Variants in MTFR1 observed in about 807,000 individuals in gnomAD.
The protein encoded by MTFR1 is mitochondrial fission regulator 1.
MTFR1 carries 28 observed loss-of-function variants against 38.8 expected under a neutral mutation model. That is an observed-to-expected ratio of 0.72 (90% CI 0.53 to 0.99). The LOEUF (loss-of-function observed/expected upper bound fraction) is 0.99. Ranked by LOEUF, MTFR1 falls within the 50% of genes least tolerant of loss-of-function variation. MTFR1 has a pLI of 0.00. For synonymous variants in MTFR1, 145 were observed against 137.0 expected, an observed-to-expected ratio of 1.06 and a Z score of -0.41; for missense variants, 358 against 395.5, an observed-to-expected ratio of 0.91 and a Z score of 0.81.
downstream of MTFR1, among the ~76,000 whole-genome samples, chr8:65,712,326 TC>T (rs1323947508): frequency 6.6e-6 from 1 of 152,128 alleles, no homozygotes; most frequent in Non-Finnish European, 1.5e-5. Flanking sequence ...ACCCCTGCCT[TC>T]CCTTCTGCAA....
At chr8:65,729,880 G>T (rs1806777783) in intron 3 of MTFR1, among the ~76,000 whole-genome samples, 2 of 152,000 alleles carry the variant, frequency 1.3e-5, no homozygotes, top group African/African-American at 4.8e-5. Context: ...AGTGAAGACA[G>T]ATTCTTGACA....
chr8:65,738,750 C>G (rs181295379), intron 3 of MTFR1, among the ~76,000 whole-genome samples: 21 of 152,232 alleles, frequency 1.4e-4, no homozygotes, highest in Admixed American at 1.3e-3. Flanking sequence ...ATCTTTAAAG[C>G]CTACCGTCAA....
chr8:65,706,998 T>C lies in MTFR1; in HGVS notation c.518-12T>C, dbSNP rs1383486164. ...CCAGTGGGATTAAGTTTGTTTTCCT[T>C]TGTTTCTGTAGGTGACTTAGATTCT... On this transcript the variant is annotated splice_polypyrimidine_tract_variant and intron_variant, in intron 5 of 7. Coordinates refer to ENST00000262146, the MANE Select transcript of MTFR1 (RefSeq NM_014637.4). 3 of 1,571,146 alleles carry C rather than the reference T, an allele frequency of 1.9e-6. No homozygotes were observed. In the African/African-American group the frequency reaches 4.1e-5, roughly 22 times the overall value.
chr8:65,759,605 T>C (rs1808399279), intron 3 of MTFR1, among the ~76,000 whole-genome samples: 1 of 152,232 alleles, frequency 6.6e-6, no homozygotes, highest in Non-Finnish European at 1.5e-5. Flanking sequence ...GCTGAAATAG[T>C]TGATTCTGGT....
intron 1 of MTFR1, among the ~76,000 whole-genome samples, 159 bp downstream of exon 1, chr8:65,644,943 G>A (rs1808908581): frequency 6.6e-6 from 1 of 152,234 alleles, no homozygotes. Flanking sequence ...GGCCGGTTGA[G>A]TGTTTGCCCC....
intron 3 of MTFR1, chr8:65,747,776 G>A (rs1807749870): frequency 1.2e-6 from 2 of 1,608,914 alleles, no homozygotes; most frequent in Non-Finnish European, 1.7e-6. Context: ...ATTCCTTGCA[G>A]AGACAGACAC....
At chr8:65,652,473 A>G (rs1420306290) in intron 1 of MTFR1, among the ~76,000 whole-genome samples, 1 of 151,978 alleles carries the variant, frequency 6.6e-6, no homozygotes, top group Admixed American at 6.6e-5. Flanking sequence ...AGCTCAAGTG[A>G]TCCTCCTGCT....
chr8:65,739,504 A>G, intron 3 of MTFR1: 8 of 1,554,846 alleles, frequency 5.1e-6, no homozygotes, highest in Non-Finnish European at 6.9e-6. Context: ...TCACTTACCT[A>G]AAAATCTACG....
At chr8:65,705,283 C>G (rs117106936) in intron 5 of MTFR1, among the ~76,000 whole-genome samples, 1 of 152,174 alleles carries the variant, frequency 6.6e-6, no homozygotes, top group Non-Finnish European at 1.5e-5. Flanking sequence ...AAGATCATGC[C>G]ACTGCACTCC....
chr8:65,757,463 A>C (rs1335890240), intron 3 of MTFR1, among the ~76,000 whole-genome samples: 2 of 152,164 alleles, frequency 1.3e-5, no homozygotes, highest in African/African-American at 4.8e-5. Flanking sequence ...GGGTGAGGCT[A>C]CTCAGGTTTG....
At chr8:65,695,546 G>A (rs978028476) in intron 4 of MTFR1, among the ~76,000 whole-genome samples, 20 of 152,002 alleles carry the variant, frequency 1.3e-4, no homozygotes, top group African/African-American at 4.1e-4. Context: ...TAGTAGAGAC[G>A]GGGTTTCACC....
rs1294266757 is a variant in MTFR1 at position 65,709,406 on chromosome 8, A to G, written c.*362A>G. ...TAATTTATCTGTATAAGTGTTTTAT[A>G]TGCATATTTTTGGACATAAACAGTT... On this transcript the variant is annotated 3_prime_UTR_variant, in exon 8 of 8. Coordinates refer to ENST00000262146, the MANE Select transcript of MTFR1 (RefSeq NM_014637.4). 2 of 172,678 alleles carry G rather than the reference A, an allele frequency of 1.2e-5. No homozygotes were observed. Among genetic ancestry groups the G allele is most frequent in the Non-Finnish European group, 1.2e-5 (1 of 80,968 alleles). 10.7% of individuals were successfully genotyped at this position (172,678 alleles called of 1,614,324 possible). A position where few individuals can be genotyped will look rare whatever the true frequency, so the allele number is the denominator to read the frequency against.
chr8:65,687,112 T>G (rs1805108331), intron 3 of MTFR1, among the ~76,000 whole-genome samples: 1 of 152,136 alleles, frequency 6.6e-6, no homozygotes, highest in Non-Finnish European at 1.5e-5. Flanking sequence ...CTAAGTGTGT[T>G]ACGTATAGAA....
At chr8:65,697,527 G>A (rs562210034) in intron 4 of MTFR1, among the ~76,000 whole-genome samples, 2 of 152,358 alleles carry the variant, frequency 1.3e-5, no homozygotes, top group East Asian at 3.9e-4. Context: ...TCATGCAGTA[G>A]TTGATGGACA....
chr8:65,684,985 TAA>T (rs1280881281), intron 3 of MTFR1, among the ~76,000 whole-genome samples: 3 of 152,038 alleles, frequency 2.0e-5, no homozygotes, highest in Admixed American at 6.6e-5. Flanking sequence ...GCCTGGGCAA[TAA>T]GAGTGAAACT....
At chr8:65,670,066 A>G in intron 2 of MTFR1, 48 bp downstream of exon 2, 1 of 1,506,968 alleles carries the variant, frequency 6.6e-7, no homozygotes, top group Non-Finnish European at 9.0e-7. Context: ...TAGATATTTT[A>G]AGAATTTTTT....
chr8:65,769,410 ACCCTG>A (rs1808965254), intron 3 of MTFR1, among the ~76,000 whole-genome samples: 1 of 152,194 alleles, frequency 6.6e-6, no homozygotes, highest in Non-Finnish European at 1.5e-5. Flanking sequence ...TGCCAAACTA[ACCCTG>A]AGAGCATATT....
intron 3 of MTFR1, among the ~76,000 whole-genome samples, chr8:65,684,784 C>T (rs542720368): frequency 7.9e-5 from 12 of 151,870 alleles, no homozygotes; most frequent in African/African-American, 2.2e-4. Context: ...GTGGGTGGAT[C>T]ACCTGAGGTT....
chr8:65,737,116 AAACT>A (rs1026835736), intron 3 of MTFR1, among the ~76,000 whole-genome samples: 5 of 152,004 alleles, frequency 3.3e-5, no homozygotes, highest in African/African-American at 9.7e-5. Context: ...TCAAACAAAC[AAACT>A]AACTAAAAAC....
Sources: allele counts gnomAD v4.1 joint callset (sites outside exome capture counted in the v4.1 genomes callset), GRCh38; gene constraint gnomAD v4.1.1; transcripts MANE v1.5; gene names NCBI Gene and HGNC (gene_info 2026-07-23, HGNC 2026-07-21).